CSNK1G3: variants seen among roughly 807,000 people sequenced by gnomAD.
CSNK1G3 encodes casein kinase 1 gamma 3.
A neutral mutation model predicts 64.3 loss-of-function variants in CSNK1G3; 23 were observed. That is an observed-to-expected ratio of 0.36 (90% confidence interval 0.26 to 0.51). The LOEUF (loss-of-function observed/expected upper bound fraction) is 0.51. Among genes scored for constraint, CSNK1G3 ranks in the 20% least tolerant of loss-of-function variants. The pLI, the probability that CSNK1G3 is intolerant of heterozygous loss-of-function variation, is 0.96. For missense variants in CSNK1G3, 357 were observed against 510.5 expected (o/e 0.70, Z 2.90); for synonymous variants, 158 against 162.2 (o/e 0.97, Z 0.20).
At chr5:123,529,046 C>T (rs1779507915) in intron 1 of CSNK1G3, among the ~76,000 whole-genome samples, 1 of 152,150 alleles carries the variant, frequency 6.6e-6, no homozygotes, top group Non-Finnish European at 1.5e-5. Context: ...AAATGGCCCC[C>T]AAGCTTAGGG....
exon 5 of CSNK1G3, chr5:123,573,534 T>C (rs1388341683): frequency 1.9e-6 from 3 of 1,595,746 alleles, no homozygotes; most frequent in Non-Finnish European, 1.7e-6. Context: ...ATGATAGCTA[T>C]ACAACTGGTA....
intron 4 of CSNK1G3, among the ~76,000 whole-genome samples, chr5:123,562,132 G>A (rs557277700): frequency 7.2e-5 from 11 of 151,878 alleles, no homozygotes; most frequent in African/African-American, 2.7e-4. Flanking sequence ...CTATTTTCAC[G>A]TCTGTATTCT....
At chr5:123,603,869 T>C (rs1383723825) in intron 10 of CSNK1G3, among the ~76,000 whole-genome samples, 1 of 152,124 alleles carries the variant, frequency 6.6e-6, no homozygotes, top group Non-Finnish European at 1.5e-5. Context: ...TGTGGGACTT[T>C]GTCAATTTGT....
At chr5:123,614,544 G>C (rs1018415784) in exon 13 of CSNK1G3, 4 of 555,986 alleles carry the variant, frequency 7.2e-6, no homozygotes, top group Non-Finnish European at 5.9e-6. Flanking sequence ...TTTTGTGGTT[G>C]TCTTACATTC....
chr5:123,575,746 T>C, exon 6 of CSNK1G3: 1 of 1,612,172 alleles, frequency 6.2e-7, no homozygotes, highest in African/African-American at 1.3e-5. Flanking sequence ...GCATGGAATA[T>C]GTCCATTCAA....
chr5:123,590,065 A>G (rs549315963), intron 8 of CSNK1G3, among the ~76,000 whole-genome samples: 14 of 152,228 alleles, frequency 9.2e-5, no homozygotes, highest in African/African-American at 3.4e-4. Flanking sequence ...ACTGAATATG[A>G]TGCTTTGTGA....
chr5:123,615,275 C>G (rs369510768), exon 13 of CSNK1G3: 1 of 152,510 alleles, frequency 6.6e-6, no homozygotes, highest in African/African-American at 2.4e-5. Flanking sequence ...AACCTTGTTG[C>G]AGTGTATAAG....
intron 4 of CSNK1G3, among the ~76,000 whole-genome samples, chr5:123,565,783 G>A (rs780709508): frequency 6.6e-6 from 1 of 152,074 alleles, no homozygotes; most frequent in Admixed American, 6.6e-5. Context: ...GAGAGAGTGG[G>A]AGCAAGAGAG....
intron 1 of CSNK1G3, among the ~76,000 whole-genome samples, chr5:123,542,886 G>T (rs1181616640): frequency 2.1e-5 from 3 of 145,418 alleles, no homozygotes; most frequent in Non-Finnish European, 3.0e-5. Flanking sequence ...GTGTGTGTGT[G>T]TTTACCAAAT....
At chr5:123,571,004 C>G (rs1308391777) in intron 4 of CSNK1G3, among the ~76,000 whole-genome samples, 1 of 152,188 alleles carries the variant, frequency 6.6e-6, no homozygotes, top group East Asian at 1.9e-4. Context: ...TAACAAGCCT[C>G]TCATTCCCTG....
intron 6 of CSNK1G3, among the ~76,000 whole-genome samples, chr5:123,585,522 A>G (rs765364586): frequency 2.8e-4 from 42 of 152,166 alleles, no homozygotes; most frequent in Non-Finnish European, 5.3e-4. Flanking sequence ...TAAGAAAACA[A>G]AAAAATAGCA....
At chr5:123,610,894 T>A (rs1796217397) in intron 12 of CSNK1G3, among the ~76,000 whole-genome samples, 3 of 152,156 alleles carry the variant, frequency 2.0e-5, no homozygotes, top group South Asian at 4.1e-4. Flanking sequence ...GGACCACTAT[T>A]AAATAAGTAC....
intron 1 of CSNK1G3, among the ~76,000 whole-genome samples, chr5:123,526,418 AGTTTT>A (rs1779085717): frequency 2.0e-5 from 3 of 152,092 alleles, no homozygotes; most frequent in African/African-American, 7.2e-5. Flanking sequence ...GTGGCCAGAC[AGTTTT>A]GTTAAAGGAA....
intron 4 of CSNK1G3, among the ~76,000 whole-genome samples, chr5:123,572,803 A>G (rs1788390425): frequency 6.6e-6 from 1 of 152,220 alleles, no homozygotes; most frequent in Admixed American, 6.5e-5. Flanking sequence ...TGAATAGGTC[A>G]GGTCCACCAG....
intron 12 of CSNK1G3, among the ~76,000 whole-genome samples, chr5:123,613,044 A>C (rs1748708493): frequency 6.6e-6 from 1 of 152,222 alleles, no homozygotes; most frequent in Non-Finnish European, 1.5e-5. Flanking sequence ...GGTTAAAAGA[A>C]AAGGTGCCTA....
intron 1 of CSNK1G3, among the ~76,000 whole-genome samples, chr5:123,539,997 G>T (rs1409857954): frequency 6.6e-6 from 1 of 151,754 alleles, no homozygotes; most frequent in East Asian, 1.9e-4. Context: ...TGTTCTTATT[G>T]GTAATTTGTA....
chr5:123,516,393 A>G (rs1777169761), intron 1 of CSNK1G3, among the ~76,000 whole-genome samples: 1 of 152,212 alleles, frequency 6.6e-6, no homozygotes. Context: ...AGAAATATAT[A>G]ACTTCTAGCG....
At chr5:123,591,470 T>C in intron 10 of CSNK1G3, 56 bp downstream of exon 10, 1 of 1,087,228 alleles carries the variant, frequency 9.2e-7, no homozygotes, top group Non-Finnish European at 1.4e-6. Flanking sequence ...ACATACACTT[T>C]TTTCTTCAAT....
At chr5:123,512,743 A>T (rs575686102) in intron 1 of CSNK1G3, among the ~76,000 whole-genome samples, 173 bp downstream of exon 1, 3 of 148,592 alleles carry the variant, frequency 2.0e-5, no homozygotes, top group Non-Finnish European at 4.5e-5. Flanking sequence ...GGCGAGGACC[A>T]TGGCGGGTGG....
Sources: allele counts gnomAD v4.1 joint callset (sites outside exome capture counted in the v4.1 genomes callset), GRCh38; gene constraint gnomAD v4.1.1; transcripts MANE v1.5; gene names NCBI Gene and HGNC (gene_info 2026-07-23, HGNC 2026-07-21).